The following UGGT1 variants were observed in gnomAD, a reference collection of about 807,000 sequenced individuals.
UGGT1 encodes UDP-glucose glycoprotein glucosyltransferase 1.
UGGT1 carries 107 observed loss-of-function variants against 203.9 expected under a neutral mutation model. The observed-to-expected ratio is 0.52, with a 90% CI of 0.45 to 0.62. The LOEUF (loss-of-function observed/expected upper bound fraction) is 0.62, where lower values mean the gene tolerates loss of function less well. UGGT1 is among the 20% of genes least tolerant of loss of function. The pLI is 0.00. For synonymous variants in UGGT1, 628 were observed against 653.5 expected (o/e 0.96, Z 0.59); for missense variants, 1,673 against 1,867.2 (o/e 0.90, Z 1.92).
In UGGT1 at chr2:128,177,274, G is replaced by A. The variant is rs925400998; in HGVS notation, c.3624+376G>A. ...TAATTTCTTTTGACTTGTACTTTCC[G>A]TTCTCTGAATGTTGAAGCTCTTAGT... On this transcript the variant is annotated intron_variant, in intron 32 of 40. Transcript: ENST00000259253. Among the ~76,000 whole-genome samples, 4 of 152,016 alleles carry A rather than the reference G, an allele frequency of 2.6e-5. No individual in the cohort carries two copies. The South Asian group carries it at 8.3e-4, about 32-fold the overall frequency.
intron 40 of UGGT1, among the ~76,000 whole-genome samples, chr2:128,189,312 A>C (rs1047165881): frequency 6.6e-6 from 1 of 152,242 alleles, no homozygotes; most frequent in Non-Finnish European, 1.5e-5. Context: ...TACATGAAAA[A>C]ATTTATTTTA....
In UGGT1 at chr2:128,173,822, G is replaced by A; in HGVS notation, c.3336G>A (p.Leu1112=). 1.2e-6 allele frequency: 2 copies of A among 1,614,126 alleles called. No individual in the cohort carries two copies. Among genetic ancestry groups the A allele is most frequent in the Non-Finnish European group, 1.7e-6 (2 of 1,180,016 alleles). ...VVAAEYELEY[L]LLEGHCYDIT... is the part of the protein sequence containing the mutation. Reference sequence around the variant, plus strand: ...CTGCTGAGTATGAGCTGGAATACCTGTTACTGGAAGGTCATTGCTACGACA... The same window carrying A: ...CTGCTGAGTATGAGCTGGAATACCTATTACTGGAAGGTCATTGCTACGACA... Residue 1112 remains leucine (L), a synonymous_variant, in exon 30 of 41, where the codon CTG becomes CTA. Transcript: ENST00000259253.
intron 17 of UGGT1, 175 bp from the exon 18 acceptor site, chr2:128,145,628 A>G: frequency 1.6e-6 from 1 of 634,026 alleles, no homozygotes; most frequent in Admixed American, 3.7e-5. Context: ...ACATAGTAGG[A>G]TATTAACTTT....
At chr2:128,170,258 GGTTAAT>G in intron 26 of UGGT1, 24 bp from the exon 27 acceptor site, 2 of 1,602,206 alleles carry the variant, frequency 1.2e-6, no homozygotes, top group Non-Finnish European at 1.7e-6. Flanking sequence ...GTGTCCTCCA[GGTTAAT>G]GTTTTATCCT....
chr2:128,180,895 TA>T lies in UGGT1; in HGVS notation c.3907del (p.Ile1303TyrfsTer47). On this transcript the variant is annotated frameshift_variant, in exon 36 of 41. Transcript: ENST00000259253. LOFTEE classifies it high-confidence loss of function. ...GTTCCCATGTCTAAAAATAGGAGTT[TA>T]TACCTTACATGGCAAATGAATACAA... ...NYLSPTFKEF[I>X]PYMANEYNFQ... 1 of 1,612,834 alleles carries T rather than the reference TA, an allele frequency of 6.2e-7. No homozygotes were observed. Among genetic ancestry groups the T allele is most frequent in the Non-Finnish European group, 8.5e-7 (1 of 1,179,564 alleles).
At chr2:128,112,042 G>A (rs771256031) in intron 5 of UGGT1, among the ~76,000 whole-genome samples, 56 of 151,728 alleles carry the variant, frequency 3.7e-4, no homozygotes, top group Non-Finnish European at 6.5e-4. Flanking sequence ...TCTGGAGGTC[G>A]AGGCTGCAGT....
At chr2:128,124,389 G>A (rs1244383922) in intron 11 of UGGT1, among the ~76,000 whole-genome samples, 1 of 152,142 alleles carries the variant, frequency 6.6e-6, no homozygotes, top group African/African-American at 2.4e-5. Flanking sequence ...GAAATCTGAA[G>A]CCTTTGTATG....
intron 13 of UGGT1, among the ~76,000 whole-genome samples, chr2:128,131,158 G>A (rs1230352280): frequency 2.7e-5 from 4 of 149,306 alleles, no homozygotes; most frequent in Non-Finnish European, 4.4e-5. Flanking sequence ...GCTTGAATTC[G>A]GGAGGCAGAG....
intron 30 of UGGT1, among the ~76,000 whole-genome samples, chr2:128,174,271 C>A (rs1027794812): frequency 1.3e-5 from 2 of 151,322 alleles, no homozygotes; most frequent in African/African-American, 4.9e-5. Flanking sequence ...AGCTAAAGAG[C>A]AGATGATTTA....
intron 20 of UGGT1, 78 bp downstream of exon 20, chr2:128,155,665 T>G: frequency 8.8e-7 from 1 of 1,134,784 alleles, no homozygotes; most frequent in Admixed American, 2.2e-5. Flanking sequence ...ATGTGCAAAT[T>G]AAGAGAGAAA....
intron 26 of UGGT1, among the ~76,000 whole-genome samples, chr2:128,166,880 G>A (rs1690822688): frequency 6.6e-6 from 1 of 152,168 alleles, no homozygotes; most frequent in Non-Finnish European, 1.5e-5. Flanking sequence ...AGTCTGGCAT[G>A]GATTGGACTT....
intron 18 of UGGT1, among the ~76,000 whole-genome samples, chr2:128,152,537 C>T (rs934993524): frequency 6.6e-6 from 1 of 152,152 alleles, no homozygotes; most frequent in Non-Finnish European, 1.5e-5. Context: ...GCCTTAGCTT[C>T]CTCATCTTTA....
chr2:128,115,311 T>A, intron 7 of UGGT1, 91 bp downstream of exon 7: 1 of 1,171,516 alleles, frequency 8.5e-7, no homozygotes. Context: ...GATTTAGGTG[T>A]ATGCTGAACC....
intron 38 of UGGT1, 118 bp from the exon 39 acceptor site, chr2:128,186,565 C>T: frequency 1.4e-6 from 1 of 708,530 alleles, no homozygotes. Context: ...CGAGATCGTA[C>T]TACTGCACTC....
Position 128,139,359 on chromosome 2 carries a change from C to T in UGGT1, c.1719+507C>T, listed in dbSNP as rs1385367463. ...TGTCAGTCCCAAATAGCTGGGATTA[C>T]GGCCGTGCACCACCATGCCCAGAGA... On this transcript the variant is annotated intron_variant, in intron 16 of 40. Coordinates refer to ENST00000259253, the MANE Select transcript of UGGT1 (RefSeq NM_020120.4). Among the ~76,000 whole-genome samples, 19 of 152,142 alleles carry T rather than the reference C, an allele frequency of 1.2e-4. 1 individual carries two copies. Among genetic ancestry groups the T allele is most frequent in the Admixed American group, 1.1e-3 (17 of 15,276 alleles).
intron 14 of UGGT1, among the ~76,000 whole-genome samples, chr2:128,133,742 T>C (rs1688992350): frequency 6.6e-6 from 1 of 152,188 alleles, no homozygotes; most frequent in Non-Finnish European, 1.5e-5. Context: ...TTTTTTACAG[T>C]ATATTACAGC....
chr2:128,187,874 A>C (rs17340572), intron 40 of UGGT1, among the ~76,000 whole-genome samples: 21,249 of 147,558 alleles, frequency 0.14, 1,913 homozygotes, highest in Non-Finnish European at 0.2. Context: ...TTGTGATTAT[A>C]GTTATTTAGG....
chr2:128,161,274 T>C lies in UGGT1; in HGVS notation c.2825+6T>C, dbSNP rs374007050. Reference sequence around the variant, plus strand: ...CTTCGGGTAGAAGAAGATGTGTAAGTTTTGCCATAGGAGGAATTACAGGGG... The same window carrying C: ...CTTCGGGTAGAAGAAGATGTGTAAGCTTTGCCATAGGAGGAATTACAGGGG... On this transcript the variant is annotated splice_donor_region_variant and intron_variant, in intron 25 of 40. Transcript: ENST00000259253. 4 of 1,612,730 alleles carry C rather than the reference T, an allele frequency of 2.5e-6. No individual in the cohort carries two copies. The African/African-American group carries it at 5.3e-5, about 22-fold the overall frequency.
intron 8 of UGGT1, among the ~76,000 whole-genome samples, chr2:128,117,976 GTC>G (rs373484418): frequency 0.62 from 68,888 of 110,994 alleles, 19,015 homozygotes; most frequent in Admixed American, 0.69. Context: ...GTGTGTGTGT[GTC>G]TGTGTGTGTG....
Sources: allele counts gnomAD v4.1 joint callset (sites outside exome capture counted in the v4.1 genomes callset), GRCh38; gene constraint gnomAD v4.1.1; transcripts MANE v1.5; gene names NCBI Gene and HGNC (gene_info 2026-07-23, HGNC 2026-07-21).